The following TSHZ2 variants were observed in gnomAD, a reference collection of about 807,000 sequenced individuals.
TSHZ2 encodes teashirt homolog 2.
TSHZ2 carries 21 observed loss-of-function variants against 74.4 expected under a neutral mutation model. That is an observed-to-expected ratio of 0.28 (90% CI 0.20 to 0.41). The LOEUF (loss-of-function observed/expected upper bound fraction) is 0.41, where lower values mean the gene tolerates loss of function less well. TSHZ2 is among the 10% of genes least tolerant of loss of function. The probability of loss-of-function intolerance (pLI) is 1.00; values close to 1 mark genes in which losing one functional copy is unlikely to be tolerated. For synonymous variants in TSHZ2, 540 were observed against 515.3 expected (o/e 1.05, Z -0.65); for missense variants, 1,244 against 1,293.5 (o/e 0.96, Z 0.59).
intron 1 of TSHZ2, among the ~76,000 whole-genome samples, chr20:53,118,222 G>A (rs1485245831): frequency 1.3e-5 from 2 of 152,178 alleles, no homozygotes; most frequent in Non-Finnish European, 2.9e-5. Context: ...TTGAGGGTTA[G>A]TGAGGGAAGA....
In TSHZ2 at chr20:53,110,368, T is replaced by TCA. The variant is rs1986497604; in HGVS notation, c.40+137036_40+137037insAC. On this transcript the variant is annotated intron_variant, in intron 1 of 2. Coordinates refer to ENST00000371497, the MANE Select transcript of TSHZ2 (RefSeq NM_173485.6). ...ATAAATCCCAGACTTTCTCCGGCCC[T>TCA]CTCTTGCTGCTCACACTTGCTGCAG... Among the ~76,000 whole-genome samples, 4 of 151,996 alleles carry TCA rather than the reference T, an allele frequency of 2.6e-5. No individual in the cohort carries two copies. The South Asian group carries it at 8.3e-4, about 32-fold the overall frequency.
chr20:52,975,289 C>A (rs1490331029), intron 1 of TSHZ2, among the ~76,000 whole-genome samples: 1 of 151,748 alleles, frequency 6.6e-6, no homozygotes, highest in Non-Finnish European at 1.5e-5. Context: ...AGACTATCAA[C>A]AACTAGGCAG....
chr20:53,120,528 T>C (rs1364570237), intron 1 of TSHZ2, among the ~76,000 whole-genome samples: 1 of 152,116 alleles, frequency 6.6e-6, no homozygotes, highest in East Asian at 1.9e-4. Flanking sequence ...AACATATAAT[T>C]TTAGAACACA....
intron 1 of TSHZ2, among the ~76,000 whole-genome samples, chr20:53,001,722 C>T (rs1330685467): frequency 1.3e-5 from 2 of 152,040 alleles, no homozygotes; most frequent in Admixed American, 6.6e-5. Flanking sequence ...AGAGGTAAAA[C>T]ATGCACAACT....
intron 1 of TSHZ2, among the ~76,000 whole-genome samples, chr20:53,003,255 G>GGTGTGTGTGTGTGA (rs1555813844): frequency 7.2e-6 from 1 of 139,514 alleles, no homozygotes; most frequent in African/African-American, 2.7e-5. Context: ...CTCCAGGGAT[G>GGTGTGTGTGTGTGA]GTGTGTGTGT....
chr20:53,114,463 A>T (rs1986617038), intron 1 of TSHZ2, among the ~76,000 whole-genome samples: 1 of 152,204 alleles, frequency 6.6e-6, no homozygotes, highest in Non-Finnish European at 1.5e-5. Flanking sequence ...AAGAAACGAG[A>T]TGATCAATGC....
intron 2 of TSHZ2, among the ~76,000 whole-genome samples, chr20:53,463,380 GAGGA>G (rs3042220): frequency 0.12 from 8,502 of 68,520 alleles, 559 homozygotes; most frequent in Non-Finnish European, 0.15. Context: ...CAGAGAGAGA[GAGGA>G]AGGAAGGAAG....
intron 2 of TSHZ2, among the ~76,000 whole-genome samples, chr20:53,267,494 A>T (rs1600778415): frequency 6.6e-6 from 1 of 152,202 alleles, no homozygotes; most frequent in African/African-American, 2.4e-5. Flanking sequence ...TCCATTTTAC[A>T]TAAGAGGAAA....
At chr20:53,026,956 T>G (rs1475706238) in intron 1 of TSHZ2, among the ~76,000 whole-genome samples, 1 of 152,108 alleles carries the variant, frequency 6.6e-6, no homozygotes, top group Non-Finnish European at 1.5e-5. Context: ...TATGTATTTA[T>G]GTTTATAAAG....
intron 1 of TSHZ2, among the ~76,000 whole-genome samples, chr20:53,028,632 G>C (rs1023731811): frequency 6.6e-6 from 1 of 152,170 alleles, no homozygotes; most frequent in Non-Finnish European, 1.5e-5. Flanking sequence ...TAAGATCTTG[G>C]ACCTACTGAG....
intron 2 of TSHZ2, among the ~76,000 whole-genome samples, chr20:53,372,351 C>T (rs994680511): frequency 6.6e-6 from 1 of 152,078 alleles, no homozygotes; most frequent in Non-Finnish European, 1.5e-5. Context: ...GTGTCACGCA[C>T]CTGTAGTCCC....
chr20:53,330,903 C>T (rs1979698282), intron 2 of TSHZ2, among the ~76,000 whole-genome samples: 2 of 152,198 alleles, frequency 1.3e-5, no homozygotes, highest in African/African-American at 2.4e-5. Context: ...AGCCTGGCTT[C>T]AGTATCATAC....
intron 1 of TSHZ2, among the ~76,000 whole-genome samples, chr20:53,114,117 A>G (rs185961273): frequency 2.0e-5 from 3 of 146,768 alleles, no homozygotes; most frequent in Middle Eastern, 3.6e-3. Flanking sequence ...AAAAAGAAAG[A>G]AAAAAAAAAT....
chr20:53,016,459 G>A (rs577973153), intron 1 of TSHZ2, among the ~76,000 whole-genome samples: 6 of 152,294 alleles, frequency 3.9e-5, no homozygotes, highest in African/African-American at 1.2e-4. Context: ...TAATTGATTA[G>A]TGGAACTAAA....
intron 2 of TSHZ2, among the ~76,000 whole-genome samples, chr20:53,286,926 C>CACACACGT (rs1555846268): frequency 8.8e-5 from 13 of 147,408 alleles, no homozygotes; most frequent in African/African-American, 3.3e-4. Flanking sequence ...CACACACACA[C>CACACACGT]GTAACACTTC....
intron 1 of TSHZ2, among the ~76,000 whole-genome samples, chr20:53,137,082 A>G (rs779427586): frequency 4.6e-5 from 7 of 152,220 alleles, no homozygotes; most frequent in Non-Finnish European, 7.4e-5. Flanking sequence ...TGGGTTCCGA[A>G]AAATTAAAAT....
intron 2 of TSHZ2, among the ~76,000 whole-genome samples, chr20:53,474,141 C>G (rs923213817): frequency 2.0e-5 from 3 of 149,538 alleles, no homozygotes; most frequent in Admixed American, 2.0e-4. Context: ...CGTTCAGATT[C>G]AGGAAATGCA....
chr20:53,067,007 G>A (rs1985012967), intron 1 of TSHZ2, among the ~76,000 whole-genome samples: 1 of 152,188 alleles, frequency 6.6e-6, no homozygotes, highest in Non-Finnish European at 1.5e-5. Flanking sequence ...CACCAACAAT[G>A]TTTAGAACAT....
At chr20:53,241,480 TA>T (rs978756187) in intron 1 of TSHZ2, among the ~76,000 whole-genome samples, 2 of 152,176 alleles carry the variant, frequency 1.3e-5, no homozygotes, top group Non-Finnish European at 2.9e-5. Flanking sequence ...TCTTGTAATA[TA>T]AAAATACTCA....
Sources: gnomAD v4.1 joint callset for allele counts (sites outside exome capture counted in the v4.1 genomes callset) on GRCh38, gnomAD v4.1.1 for gene constraint, MANE v1.5 for transcripts, NCBI Gene and HGNC (gene_info 2026-07-23, HGNC 2026-07-21) for gene names.